Variants in CCDC197 observed in about 807,000 individuals in gnomAD.
CCDC197 encodes the protein uncharacterized protein CCDC197.
Under a neutral mutation model 13.4 loss-of-function variants are expected in CCDC197, and 24 were observed. The ratio of observed to expected loss-of-function variants is 1.80; its 90% CI spans 1.30 to 2.53. The LOEUF (loss-of-function observed/expected upper bound fraction) is 2.53, where lower values mean the gene tolerates loss of function less well. CCDC197 is among the 30% of genes most tolerant of loss of function. The pLI is 0.00. For synonymous variants in CCDC197, 99 were observed against 55.5 expected (o/e 1.78, Z -3.48); for missense variants, 255 against 148.8 (o/e 1.71, Z -3.71).
rs552884237 is a variant in CCDC197 at position 94,003,897 on chromosome 14, C to T, written c.498+543C>T. Among the ~76,000 whole-genome samples the T allele has an allele frequency of 1.5e-4, 23 of 152,260 alleles. No individual in the cohort carries two copies. Among genetic ancestry groups the T allele is most frequent in the Admixed American group, 5.2e-4 (8 of 15,298 alleles). On this transcript the variant is annotated intron_variant, in intron 5 of 6. Coordinates refer to ENST00000636493, the MANE Select transcript of CCDC197 (RefSeq NM_001351596.2). The surrounding 1 kb of genome is among the most constrained non-coding windows in gnomAD (Gnocchi z 5.0). ...CCAGTCCCAGGGCTTGGTGTTGTGC[C>T]GAGCTCTTAGTCCTTGTATAATGTT...
downstream of CCDC197, among the ~76,000 whole-genome samples, chr14:94,010,174 G>T (rs11625435): frequency 0.33 from 50,198 of 151,350 alleles, 8,771 homozygotes; most frequent in African/African-American, 0.44. Context: ...AAGAGTAGTA[G>T]AGTTATATTT....
At position 94,003,172 on chromosome 14, in the gene CCDC197, T is replaced by C. The variant is rs758699658; in HGVS notation, c.367-51T>C. On this transcript the variant is annotated intron_variant, in intron 4 of 6. Coordinates refer to ENST00000636493, the MANE Select transcript of CCDC197 (RefSeq NM_001351596.2). The surrounding 1 kb of genome is among the most constrained non-coding windows in gnomAD (Gnocchi z 5.0). ...CACCCTGGGGACTCAGACCAGGGCA[T>C]ATGCCCTGGAGGGTTTGTTGTACCA... The C allele has an allele frequency of 3.9e-6, 3 of 760,718 alleles. No individual in the cohort carries two copies. Among genetic ancestry groups the C allele is most frequent in the African/African-American group, 3.4e-5 (2 of 58,770 alleles). The allele number at this position is 760,718 out of a possible 1,614,324, so 47.1% of individuals were successfully genotyped here. A position where few individuals can be genotyped will look rare whatever the true frequency, so the allele number is the denominator to read the frequency against.
chr14:94,002,659 C>T (rs1248385837), intron 4 of CCDC197, among the ~76,000 whole-genome samples: 1 of 152,066 alleles, frequency 6.6e-6, no homozygotes, highest in Non-Finnish European at 1.5e-5. Flanking sequence ...TCAAGACCAG[C>T]CTGGCCAACA....
intron 4 of CCDC197, among the ~76,000 whole-genome samples, chr14:94,002,577 G>T (rs1272791087): frequency 2.6e-5 from 4 of 152,174 alleles, no homozygotes; most frequent in Non-Finnish European, 5.9e-5. Context: ...AGGGGGCCAG[G>T]TATGGTGGCT....
chr14:94,008,959 G>A, downstream of CCDC197: 1 of 577,594 alleles, frequency 1.7e-6, no homozygotes, highest in South Asian at 2.2e-5. Context: ...GCTAGGGTTG[G>A]GGGTGCTGCT....
chr14:94,002,645 G>T (rs1567043639), intron 4 of CCDC197, among the ~76,000 whole-genome samples: 1 of 152,102 alleles, frequency 6.6e-6, no homozygotes, highest in Non-Finnish European at 1.5e-5. Flanking sequence ...TCGAGGTCAG[G>T]AGTTCAAGAC....
chr14:93,988,454 TGGG>T (rs1890143367), intron 1 of CCDC197, among the ~76,000 whole-genome samples: 1 of 41,166 alleles, frequency 2.4e-5, no homozygotes, highest in Non-Finnish European at 4.5e-5. Flanking sequence ...GAGGAGGAGA[TGGG>T]AGGAGGGGAT....
At chr14:94,002,474 C>T (rs1325167419) in intron 4 of CCDC197, among the ~76,000 whole-genome samples, 2 of 152,056 alleles carry the variant, frequency 1.3e-5, no homozygotes, top group African/African-American at 2.4e-5. Flanking sequence ...CTTTCAAATT[C>T]CTATCCCACA....
intron 6 of CCDC197, chr14:94,007,546 T>C (rs1890718689): frequency 6.6e-6 from 1 of 152,220 alleles, no homozygotes; most frequent in Admixed American, 6.5e-5. Flanking sequence ...AATATTAAAA[T>C]TGAGAAGTGT....
chr14:93,994,159 T>C (rs1890248319), upstream of CCDC197, among the ~76,000 whole-genome samples: 2 of 152,190 alleles, frequency 1.3e-5, no homozygotes, highest in Admixed American at 1.3e-4. Flanking sequence ...TGGGTCCACA[T>C]CCCAGCGTGG....
intron 2 of CCDC197, 153 bp from the exon 3 acceptor site, chr14:93,999,430 A>T: frequency 1.7e-6 from 1 of 605,678 alleles, no homozygotes. Flanking sequence ...AGGTGCAGAG[A>T]CTCCTAAGTC....
upstream of CCDC197, among the ~76,000 whole-genome samples, chr14:93,996,288 C>G (rs1277396466): frequency 6.7e-6 from 1 of 148,606 alleles, no homozygotes; most frequent in Admixed American, 6.6e-5. Context: ...GCGAGGGGCT[C>G]TAGGACCATG....
rs771586009 is a variant in CCDC197, at chr14:93,998,235, A to G, written c.104A>G (p.Lys35Arg). 3 of 779,652 alleles carry G rather than the reference A, an allele frequency of 3.8e-6. No individual in the cohort carries two copies. In the South Asian group the frequency reaches 4.0e-5, roughly 10 times the overall value. 48.3% of individuals were successfully genotyped at this position (779,652 alleles called of 1,614,324 possible). ...LWQELYQLQAKQKKLKREVEK... is the reference protein window; with the variant it reads ...LWQELYQLQARQKKLKREVEK... ...CAGGAACTCTACCAGCTCCAGGCTA[A>G]GTATGTGTTGTCCCACCCCTGCCCC... Residue 35 changes from lysine (K) to arginine (R), a missense_variant and splice_region_variant, in exon 2 of 7, where the codon AAG (lysine) becomes AGG (arginine). Lys to Arg is a conservative substitution (Grantham distance 26, BLOSUM62 2). Coordinates refer to ENST00000636493, the MANE Select transcript of CCDC197 (RefSeq NM_001351596.2).
chr14:93,993,553 T>G (rs1303061012), upstream of CCDC197, among the ~76,000 whole-genome samples: 1 of 152,228 alleles, frequency 6.6e-6, no homozygotes, highest in Non-Finnish European at 1.5e-5. Context: ...AGCCCCACTC[T>G]GCATCCTGAG....
intron 6 of CCDC197, among the ~76,000 whole-genome samples, chr14:94,005,789 T>A (rs1890663680): frequency 6.6e-6 from 1 of 152,216 alleles, no homozygotes; most frequent in Non-Finnish European, 1.5e-5. Flanking sequence ...TTTAGCATAA[T>A]GTTTTCAAGG....
intron 2 of CCDC197, among the ~76,000 whole-genome samples, chr14:93,998,730 T>C (rs1890398349): frequency 1.3e-5 from 2 of 152,262 alleles, no homozygotes; most frequent in Non-Finnish European, 2.9e-5. Flanking sequence ...TTCAGAGGCC[T>C]TCCTGATCCC....
intron 4 of CCDC197, chr14:94,001,634 T>A (rs938529108): frequency 3.9e-6 from 1 of 256,386 alleles, no homozygotes. Context: ...GTAGCCTCTC[T>A]GAGCCTCAGT....
At position 94,008,862 on chromosome 14, in the gene CCDC197, C is replaced by T. The variant is rs1000086751; in HGVS notation, c.*50C>T. On this transcript the variant is annotated 3_prime_UTR_variant, in exon 7 of 7. Coordinates refer to ENST00000636493, the MANE Select transcript of CCDC197 (RefSeq NM_001351596.2). ...TGGCATCACGACCTCTCCTTACCTG[C>T]CTGCCTCCTTTTCTCACCACCAACA... 4.5e-6 allele frequency: 3 copies of T among 664,658 alleles called. No homozygotes were observed. The highest frequency in any genetic ancestry group is 2.1e-5 in the Admixed American group (1 of 47,238). The allele number at this position is 664,658 out of a possible 1,614,324, so 41.2% of individuals were successfully genotyped here.
chr14:94,010,099 G>T (rs1387937645), downstream of CCDC197, among the ~76,000 whole-genome samples: 1 of 152,210 alleles, frequency 6.6e-6, no homozygotes, highest in East Asian at 1.9e-4. Flanking sequence ...GATAAGTCAG[G>T]CTTGGCCAGG....
Sources: gnomAD v4.1 joint callset for allele counts (sites outside exome capture counted in the v4.1 genomes callset) on GRCh38, gnomAD v4.1.1 for gene constraint, Gnocchi (gnomAD v3.1) non-coding constraint, MANE v1.5 for transcripts, NCBI Gene and HGNC (gene_info 2026-07-23, HGNC 2026-07-21) for gene names.